Variants in ROR2 observed in about 807,000 individuals in gnomAD.
ROR2 encodes the protein ROR family WNT receptor 2.
In ROR2, 33 loss-of-function variants were observed where a neutral mutation model predicts 74.9. That is an observed-to-expected ratio of 0.44 (90% CI 0.33 to 0.59). ROR2 has a LOEUF of 0.59. Among genes scored for constraint, ROR2 ranks in the 20% least tolerant of loss-of-function variants. The probability of loss-of-function intolerance (pLI) is 0.02; values close to 1 mark genes in which losing one functional copy is unlikely to be tolerated. For synonymous variants in ROR2, 586 were observed against 558.7 expected, an observed-to-expected ratio of 1.05 and a Z score of -0.69; for missense variants, 1,216 against 1,313.8, an observed-to-expected ratio of 0.93 and a Z score of 1.15.
chr9:91,779,619 C>T (rs1350797198), intron 1 of ROR2, among the ~76,000 whole-genome samples: 1 of 152,118 alleles, frequency 6.6e-6, no homozygotes, highest in African/African-American at 2.4e-5. Context: ...GATCCACCCA[C>T]CTCAGCCTCC....
chr9:91,751,755 C>A (rs577716114), intron 4 of ROR2, among the ~76,000 whole-genome samples: 1 of 152,098 alleles, frequency 6.6e-6, no homozygotes, highest in African/African-American at 2.4e-5. Context: ...TCAAAGCACA[C>A]GTATTTTTGA....
intron 1 of ROR2, among the ~76,000 whole-genome samples, chr9:91,783,175 G>A (rs993325363): frequency 1.3e-5 from 2 of 152,136 alleles, no homozygotes; most frequent in Non-Finnish European, 2.9e-5. Flanking sequence ...CATAGGATGA[G>A]AGCCCTGATG....
In ROR2 at chr9:91,724,499, C is replaced by T. The variant is rs763115397; in HGVS notation, c.1995G>A (p.Met665Ile). The change falls in exon 9 of 9, where the codon ATG (methionine) becomes ATA (isoleucine). Residue 665 changes from methionine to isoleucine, a missense_variant. Coordinates refer to ENST00000375708, the MANE Select transcript of ROR2 (RefSeq NM_004560.4). ...CTGAGTCGATGGAGAACTTGCCGTA[C>T]ATGATGGCCTCTGGGGCCATCCAGC... ...PIRWMAPEAI[M>I]YGKFSIDSDI... The T allele has an allele frequency of 6.2e-7, 1 of 1,614,226 alleles. No individual in the cohort carries two copies. Among genetic ancestry groups the T allele is most frequent in the Admixed American group, 1.7e-5 (1 of 60,034 alleles).
intron 1 of ROR2, among the ~76,000 whole-genome samples, chr9:91,822,233 T>G (rs1275802497): frequency 6.6e-6 from 1 of 152,172 alleles, no homozygotes; most frequent in Non-Finnish European, 1.5e-5. Context: ...CTGGAGGCAG[T>G]GGCCACTCAG....
At chr9:91,816,283 A>G (rs1827930705) in intron 1 of ROR2, among the ~76,000 whole-genome samples, 1 of 152,050 alleles carries the variant, frequency 6.6e-6, no homozygotes, top group Admixed American at 6.5e-5. Flanking sequence ...GAGACCCTTC[A>G]AGAGATCAAT....
chr9:91,852,651 C>A (rs10992133), intron 1 of ROR2, among the ~76,000 whole-genome samples: 6,287 of 141,728 alleles, frequency 0.044, 388 homozygotes, highest in East Asian at 0.23. Flanking sequence ...ACACACACAC[C>A]CACACACACA....
At chr9:91,892,046 T>TAAG (rs1291163879) in intron 1 of ROR2, among the ~76,000 whole-genome samples, 8 of 99,564 alleles carry the variant, frequency 8.0e-5, no homozygotes. Flanking sequence ...AGAATCTGTC[T>TAAG]AAGAAGAAAA....
chr9:91,884,954 T>C (rs1479026362), intron 1 of ROR2, among the ~76,000 whole-genome samples: 2 of 152,102 alleles, frequency 1.3e-5, no homozygotes, highest in Non-Finnish European at 2.9e-5. Flanking sequence ...TGCCTTAACT[T>C]GGTATTTTCT....
Position 91,722,697 on chromosome 9 carries a change from G to T in ROR2, c.*965C>A. ...CAGACGGCTGCCTGTGGGTCTGTGT[G>T]TAACAGGGGCTGTAAAATGAATGGA... On this transcript the variant is annotated 3_prime_UTR_variant, in exon 9 of 9. Coordinates refer to ENST00000375708, the MANE Select transcript of ROR2 (RefSeq NM_004560.4). The T allele has an allele frequency of 1.3e-6, 1 of 754,062 alleles. No individual in the cohort carries two copies. The allele number at this position is 754,062 out of a possible 1,614,324, so 46.7% of individuals were successfully genotyped here. A position where few individuals can be genotyped will look rare whatever the true frequency, so the allele number is the denominator to read the frequency against.
chr9:91,860,237 G>A (rs1564005003), intron 1 of ROR2, among the ~76,000 whole-genome samples: 2 of 152,136 alleles, frequency 1.3e-5, no homozygotes, highest in South Asian at 2.1e-4. Context: ...GGGAGACAAC[G>A]GGCATCCTTA....
At chr9:91,748,441 T>C (rs1032807601) in intron 4 of ROR2, among the ~76,000 whole-genome samples, 1 of 152,224 alleles carries the variant, frequency 6.6e-6, no homozygotes, top group African/African-American at 2.4e-5. Context: ...TAATTTTTAT[T>C]GAATACATAA....
intron 5 of ROR2, among the ~76,000 whole-genome samples, chr9:91,734,522 C>G (rs1368797972): frequency 6.6e-6 from 1 of 152,140 alleles, no homozygotes; most frequent in African/African-American, 2.4e-5. Flanking sequence ...GACCTCCAGG[C>G]AAGGAAAGCG....
intron 8 of ROR2, among the ~76,000 whole-genome samples, chr9:91,725,811 G>A (rs370018384): frequency 6.1e-4 from 93 of 152,168 alleles, no homozygotes; most frequent in African/African-American, 2.0e-3. Flanking sequence ...CTGGGCCTCC[G>A]TGCAAGCCCC....
chr9:91,824,980 G>A lies in ROR2; in HGVS notation c.98-49162C>T, dbSNP rs181935126. Among the ~76,000 whole-genome samples the A allele has an allele frequency of 4.0e-3, 611 of 152,364 alleles. 5 individuals carry two copies. Among genetic ancestry groups the A allele is most frequent in the African/African-American group, 0.014 (579 of 41,586 alleles). ...CAAGGAAATGAAAAGGAAGGGGGGC[G>A]ATCTGGGCTTGGGTCCTGTTCCCAA... On this transcript the variant is annotated intron_variant, in intron 1 of 8. Transcript: ENST00000375708.
At chr9:91,773,184 G>C (rs1288556654) in intron 2 of ROR2, among the ~76,000 whole-genome samples, 2 of 152,150 alleles carry the variant, frequency 1.3e-5, no homozygotes, top group African/African-American at 4.8e-5. Flanking sequence ...GAAGCCCCCG[G>C]GTGAGAGGTT....
intron 1 of ROR2, among the ~76,000 whole-genome samples, chr9:91,804,646 GC>G (rs1237837111): frequency 2.0e-5 from 3 of 152,200 alleles, no homozygotes; most frequent in Non-Finnish European, 4.4e-5. Context: ...TTGGGCTCCT[GC>G]CGGCTCCTGC....
chr9:91,839,632 G>C (rs1442852011), intron 1 of ROR2, among the ~76,000 whole-genome samples: 1 of 151,320 alleles, frequency 6.6e-6, no homozygotes, highest in South Asian at 2.1e-4. Context: ...TATATTGTGT[G>C]TGTGGTGTGA....
At chr9:91,887,227 A>C (rs2119386359) in intron 1 of ROR2, 1 of 152,370 alleles carries the variant, frequency 6.6e-6, no homozygotes, top group Middle Eastern at 3.4e-3. Context: ...ACAGTATTTT[A>C]ATTTGGTATG....
chr9:91,741,330 AATAATAATAAT>A, intron 4 of ROR2, among the ~76,000 whole-genome samples: 2 of 148,526 alleles, frequency 1.3e-5, no homozygotes, highest in African/African-American at 4.9e-5. Context: ...TAATAATAAT[AATAATAATAAT>A]AAAATAATGA....
Sources: allele counts gnomAD v4.1 joint callset (sites outside exome capture counted in the v4.1 genomes callset), GRCh38; gene constraint gnomAD v4.1.1; transcripts MANE v1.5; gene names NCBI Gene and HGNC (gene_info 2026-07-23, HGNC 2026-07-21).